PPME1: variants seen among roughly 807,000 people sequenced by gnomAD.
The protein encoded by PPME1 is protein phosphatase methylesterase 1, also known as testicular secretory protein Li 39.
In PPME1, 17 loss-of-function variants were observed where a neutral mutation model predicts 56.9. The observed-to-expected ratio is 0.30, with a 90% CI of 0.20 to 0.45. The LOEUF (loss-of-function observed/expected upper bound fraction) is 0.45. Among genes scored for constraint, PPME1 ranks in the 20% least tolerant of loss-of-function variants. The probability of loss-of-function intolerance (pLI) is 1.00; values close to 1 mark genes in which losing one functional copy is unlikely to be tolerated. For missense variants in PPME1, 357 were observed against 483.2 expected (o/e 0.74, Z 2.45); for synonymous variants, 122 against 156.2 (o/e 0.78, Z 1.63).
chr11:74,200,357 T>TTGTGTGTGTG (rs71919163), intron 1 of PPME1, among the ~76,000 whole-genome samples: 6 of 145,834 alleles, frequency 4.1e-5, no homozygotes, highest in African/African-American at 1.5e-4. Flanking sequence ...GTCATGTGTT[T>TTGTGTGTGTG]TGTGTGTGTG....
chr11:74,237,713 C>G (rs917792651), intron 8 of PPME1: 6 of 152,060 alleles, frequency 3.9e-5, no homozygotes, highest in South Asian at 2.1e-4. Flanking sequence ...AATAGAAGTT[C>G]AGAGAGGTAG....
intron 1 of PPME1, among the ~76,000 whole-genome samples, chr11:74,197,101 TG>T (rs1858003868): frequency 6.6e-6 from 1 of 152,226 alleles, no homozygotes; most frequent in African/African-American, 2.4e-5. Flanking sequence ...TGTATTTAGG[TG>T]ATCTCTATGT....
intron 7 of PPME1, among the ~76,000 whole-genome samples, chr11:74,233,255 A>G (rs1339522140): frequency 6.6e-6 from 1 of 152,140 alleles, no homozygotes; most frequent in African/African-American, 2.4e-5. Flanking sequence ...GATACAGGAT[A>G]GAATAAGGGT....
At chr11:74,173,322 C>T (rs901683689) in intron 1 of PPME1, among the ~76,000 whole-genome samples, 2 of 151,966 alleles carry the variant, frequency 1.3e-5, no homozygotes, top group Non-Finnish European at 2.9e-5. Flanking sequence ...TTTCAGTATA[C>T]CAGCACCCTT....
chr11:74,226,206 T>A (rs1186712545), intron 5 of PPME1, among the ~76,000 whole-genome samples: 6 of 152,222 alleles, frequency 3.9e-5, no homozygotes, highest in Non-Finnish European at 7.3e-5. Context: ...TTATTAATAA[T>A]AAATCATTAA....
chr11:74,192,326 T>C (rs1331167526), intron 1 of PPME1, among the ~76,000 whole-genome samples: 1 of 152,236 alleles, frequency 6.6e-6, no homozygotes, highest in Non-Finnish European at 1.5e-5. Context: ...GTACCACCAT[T>C]GTATCTTGGA....
At chr11:74,252,094 G>T (rs1160112641) in intron 13 of PPME1, among the ~76,000 whole-genome samples, 1 of 148,646 alleles carries the variant, frequency 6.7e-6, no homozygotes, top group Non-Finnish European at 1.5e-5. Context: ...GGCAGGCCAT[G>T]GAGCAGGGCT....
At chr11:74,228,235 T>G (rs921726085) in intron 5 of PPME1, among the ~76,000 whole-genome samples, 1 of 152,164 alleles carries the variant, frequency 6.6e-6, no homozygotes, top group African/African-American at 2.4e-5. Context: ...GGTCTGTTAT[T>G]TTAATATGCA....
chr11:74,247,159 T>C (rs759256224), intron 11 of PPME1, 36 bp downstream of exon 11: 4 of 1,565,126 alleles, frequency 2.6e-6, no homozygotes, highest in Non-Finnish European at 3.5e-6. Flanking sequence ...TGGACCCTTT[T>C]CTGAAGAAAG....
intron 7 of PPME1, 28 bp downstream of exon 7, chr11:74,231,030 T>C: frequency 6.7e-7 from 1 of 1,499,726 alleles, no homozygotes; most frequent in South Asian, 1.2e-5. Flanking sequence ...GTCGCCTTTA[T>C]TTAATTAATT....
chr11:74,248,946 CTT>C (rs2135681320), intron 11 of PPME1: 1 of 152,284 alleles, frequency 6.6e-6, no homozygotes, highest in Non-Finnish European at 1.5e-5. Context: ...GAATTCCTAA[CTT>C]ATTTAATTTT....
At chr11:74,248,064 T>G (rs1442881080) in intron 11 of PPME1, 2 of 152,404 alleles carry the variant, frequency 1.3e-5, no homozygotes, top group African/African-American at 4.8e-5. Context: ...AGTAGGAAAG[T>G]GACATGCTGA....
rs186467922 is a variant in PPME1, at chr11:74,238,189, C to T, written c.711-944C>T. ...TACACTGTTTTTTTTTTTTTTATCA[C>T]ATCTATACTGTATACTACATGTGAA... On this transcript the variant is annotated intron_variant, in intron 8 of 13. Transcript: ENST00000328257. The T allele has an allele frequency of 3.3e-5, 5 of 150,586 alleles. No homozygotes were observed. In the East Asian group the frequency reaches 7.8e-4, roughly 23 times the overall value. The allele number at this position is 150,586 out of a possible 1,614,324, so 9.3% of individuals were successfully genotyped here.
intron 1 of PPME1, among the ~76,000 whole-genome samples, chr11:74,178,762 A>G (rs572707198): frequency 3.3e-5 from 5 of 151,884 alleles, no homozygotes; most frequent in Admixed American, 1.3e-4. Flanking sequence ...CAGCAAATCT[A>G]TTTCTTCTTA....
At chr11:74,219,436 T>C (rs778509026) in intron 3 of PPME1, among the ~76,000 whole-genome samples, 3 of 152,034 alleles carry the variant, frequency 2.0e-5, no homozygotes, top group Admixed American at 6.6e-5. Context: ...CGAAGAGATA[T>C]TACACTCCCA....
rs758450644 is a variant in PPME1, at chr11:74,171,420, C to T, written c.-2C>T. The T allele has an allele frequency of 2.5e-6, 4 of 1,610,192 alleles. No homozygotes were observed. Among genetic ancestry groups the T allele is most frequent in the African/African-American group, 2.7e-5 (2 of 74,974 alleles). Reference sequence around the variant, plus strand: ...TGACTACGTGCGTGCAGCCTCCCCTCGATGTCGGCCCTCGAAAAGAGCATG... The same window carrying T: ...TGACTACGTGCGTGCAGCCTCCCCTTGATGTCGGCCCTCGAAAAGAGCATG... On this transcript the variant is annotated 5_prime_UTR_variant, in exon 1 of 14. Transcript: ENST00000328257.
intron 3 of PPME1, among the ~76,000 whole-genome samples, chr11:74,221,576 T>C (rs1858801571): frequency 6.6e-6 from 1 of 152,174 alleles, no homozygotes; most frequent in South Asian, 2.1e-4. Context: ...TTGGCCTCAG[T>C]TTTCTCATTC....
At chr11:74,239,957 C>CTTT (rs1859312161) in intron 9 of PPME1, among the ~76,000 whole-genome samples, 1 of 143,400 alleles carries the variant, frequency 7.0e-6, no homozygotes, top group African/African-American at 2.8e-5. Context: ...ATTTTCTTTC[C>CTTT]ATTTTTTTTT....
At chr11:74,195,096 T>A (rs1206956045) in intron 1 of PPME1, among the ~76,000 whole-genome samples, 1 of 152,174 alleles carries the variant, frequency 6.6e-6, no homozygotes, top group Non-Finnish European at 1.5e-5. Flanking sequence ...CTTTATTTGT[T>A]TAAAATTGTG....
Sources: gnomAD v4.1 joint callset for allele counts (sites outside exome capture counted in the v4.1 genomes callset) on GRCh38, gnomAD v4.1.1 for gene constraint, MANE v1.5 for transcripts, NCBI Gene and HGNC (gene_info 2026-07-23, HGNC 2026-07-21) for gene names.